Variants in PKP3 observed in about 807,000 individuals in gnomAD.
PKP3 encodes the protein plakophilin-3.
In PKP3, 66 loss-of-function variants were observed where a neutral mutation model predicts 76.5. The observed-to-expected ratio is 0.86, with a 90% CI of 0.71 to 1.06. PKP3 has a LOEUF of 1.06. PKP3 is among the 50% of genes least tolerant of loss of function. PKP3 has a pLI of 0.00. For synonymous variants in PKP3, 638 were observed against 516.5 expected, an observed-to-expected ratio of 1.24 and a Z score of -3.19; for missense variants, 1,338 against 1,141.0, an observed-to-expected ratio of 1.17 and a Z score of -2.49.
In PKP3 at chr11:400,659, GAGA is replaced by G; in HGVS notation, c.1692_1694del (p.Glu565del). On this transcript the variant is annotated inframe_deletion, in exon 8 of 13. Coordinates refer to ENST00000331563, the MANE Select transcript of PKP3 (RefSeq NM_007183.4). The stretch of plus-strand genomic sequence containing the variant: ...AGGGACCTGGCGGGGGCGCCGCCGG[GAGA>G]GGTCGTGGGCTGCTTCACGCCGCAG... 1.5e-6 allele frequency: 2 copies of G among 1,358,210 alleles called. 1 individual carries two copies. The highest frequency in any genetic ancestry group is 1.9e-6 in the Non-Finnish European group (2 of 1,061,266). The allele number at this position is 1,358,210 out of a possible 1,614,324, so 84.1% of individuals were successfully genotyped here.
Position 399,183 on chromosome 11 carries a change from C to T in PKP3, c.1260C>T (p.Arg420=). The T allele has an allele frequency of 6.3e-7, 1 of 1,593,666 alleles. No individual in the cohort carries two copies. Among genetic ancestry groups the T allele is most frequent in the East Asian group, 2.3e-5 (1 of 43,668 alleles). The change falls in exon 5 of 13, where the codon CGC becomes CGT. Residue 420 remains arginine (R), a synonymous_variant. Coordinates refer to ENST00000331563, the MANE Select transcript of PKP3 (RefSeq NM_007183.4). Reference sequence around the variant, plus strand: ...TGCGGGAGCAGGATGATGAGCTTCGCAAAAATGTCACAGGTGCTGCCTGTC... The same window carrying T: ...TGCGGGAGCAGGATGATGAGCTTCGTAAAAATGTCACAGGTGCTGCCTGTC... The part of the protein sequence containing the change: ...RTLREQDDEL[R]KNVTGILWNL...
intron 4 of PKP3, among the ~76,000 whole-genome samples, chr11:398,185 C>T (rs1399612091): frequency 3.6e-5 from 3 of 84,080 alleles, no homozygotes; most frequent in Non-Finnish European, 4.8e-5. Flanking sequence ...CCTCCCTACC[C>T]CCACATATAC....
At position 399,112 on chromosome 11, in the gene PKP3, C is replaced by T; in HGVS notation, c.1189C>T (p.Leu397=). ...NLIYDNADNK[L]ALVEENGIFE... ...CATCTACGACAACGCTGACAACAAG[C>T]TGGCCCTGGTGGAGGAGAACGGGAT... The change falls in exon 5 of 13, where the codon CTG becomes TTG. Residue 397 remains leucine, a synonymous_variant. Transcript: ENST00000331563. The T allele has an allele frequency of 6.2e-7, 1 of 1,612,094 alleles. No homozygotes were observed. Among genetic ancestry groups the T allele is most frequent in the South Asian group, 1.1e-5 (1 of 91,076 alleles).
rs780117288 is a variant in PKP3, at chr11:397,641, C to T, written c.1047C>T (p.Ser349=). 68 of 1,611,290 alleles carry T rather than the reference C, an allele frequency of 4.2e-5. No homozygotes were observed. The Admixed American group carries it at 4.8e-4, about 11-fold the overall frequency. Residue 349 remains serine (S), a synonymous_variant, in exon 4 of 13, where the codon AGC becomes AGT. Transcript: ENST00000331563. ...CCTACATCCAGCACAAGTGCTACAG[C>T]GATGCAGCCGCCAAGAAGCAGGTGA... The part of the protein sequence containing the change: ...GAAYIQHKCY[S]DAAAKKQARS...
At chr11:394,610 A>G in intron 1 of PKP3, 86 bp downstream of exon 1, 1 of 1,119,166 alleles carries the variant, frequency 8.9e-7, no homozygotes, top group Non-Finnish European at 1.2e-6. Flanking sequence ...CAGAGGCCGC[A>G]GTGAGGCCGG....
At position 397,227 on chromosome 11, in the gene PKP3, C is replaced by T. The variant is rs749658582; in HGVS notation, c.726C>T (p.Thr242=). 1.3e-6 allele frequency: 2 copies of T among 1,599,470 alleles called. No homozygotes were observed. The highest frequency in any genetic ancestry group is 1.7e-5 in the Admixed American group (1 of 59,830). The stretch of plus-strand genomic sequence containing the variant: ...CCACTGAGGTTTCCCCGAGCCGGAC[C>T]ATCCGTGCCCCTGCCGTGCGGACCC... ...PEATEVSPSR[T]IRAPAVRTLQ... is the part of the protein sequence containing the mutation. The change falls in exon 3 of 13, where the codon ACC becomes ACT. Residue 242 remains threonine, a synonymous_variant. Transcript: ENST00000331563.
intron 1 of PKP3, among the ~76,000 whole-genome samples, chr11:395,055 C>T (rs1428236880): frequency 6.6e-6 from 1 of 152,130 alleles, no homozygotes; most frequent in Non-Finnish European, 1.5e-5. Context: ...GCTGGAGTGA[C>T]CTAGATTTCT....
At position 403,682 on chromosome 11, in the gene PKP3, G is replaced by A. The variant is rs745979123; in HGVS notation, c.1988G>A (p.Arg663His). The A allele has an allele frequency of 3.3e-5, 53 of 1,610,320 alleles. No homozygotes were observed. The highest frequency in any genetic ancestry group is 6.7e-5 in the Admixed American group (4 of 59,994). ...QERILNPLLD[R>H]VRTADHHQLR... is the part of the protein sequence containing the mutation. ...CGTATTCTGAACCCCCTGCTAGACC[G>A]TGTCAGGACCGCCGACCACCACCAG... Residue 663 changes from arginine (R) to histidine (H), a missense_variant, in exon 10 of 13, where the codon CGT (arginine) becomes CAT (histidine). Arg to His is a conservative substitution (Grantham distance 29, BLOSUM62 0). Transcript: ENST00000331563.
rs531582905 is a variant in PKP3 at position 403,732 on chromosome 11, C to T, written c.2038C>T (p.Arg680Ter). Residue 680 changes from arginine (R) to a stop codon, truncating the protein, a stop_gained, in exon 10 of 13, where the codon CGA becomes TGA. Coordinates refer to ENST00000331563, the MANE Select transcript of PKP3 (RefSeq NM_007183.4). LOFTEE classifies it high-confidence loss of function. ...GCTGCGCTCACTGACTGGCCTCATC[C>T]GAAACCTGTCTCGGAACGCTAGGAA... The part of the protein sequence containing the change: ...HQLRSLTGLI[R>*]NLSRNARNKD... The T allele has an allele frequency of 1.5e-5, 24 of 1,609,424 alleles. No homozygotes were observed. Among genetic ancestry groups the T allele is most frequent in the Non-Finnish European group, 1.7e-5 (20 of 1,179,874 alleles).
At position 403,074 on chromosome 11, in the gene PKP3, G is replaced by A. The variant is rs924279604; in HGVS notation, c.1738-4G>A. 6.4e-6 allele frequency: 9 copies of A among 1,403,298 alleles called. No homozygotes were observed. The highest frequency in any genetic ancestry group is 2.3e-4 in the Middle Eastern group (1 of 4,388). The allele number at this position is 1,403,298 out of a possible 1,614,324, so 86.9% of individuals were successfully genotyped here. On this transcript the variant is annotated splice_polypyrimidine_tract_variant and splice_region_variant and intron_variant, in intron 8 of 12. Transcript: ENST00000331563. Reference sequence around the variant, plus strand: ...CCCCGCCGACTCCTCCCCGCCCTGCGCAGCTGCCCCTCGCCGCCGATGCGC... The same window carrying A: ...CCCCGCCGACTCCTCCCCGCCCTGCACAGCTGCCCCTCGCCGCCGATGCGC...
At chr11:392,917 C>T (rs1018182609), upstream of PKP3, among the ~76,000 whole-genome samples, 1 of 152,096 alleles carries the variant, frequency 6.6e-6, no homozygotes, top group Non-Finnish European at 1.5e-5. Flanking sequence ...AGACCCCTGC[C>T]CCAGCCCCAT....
At position 394,314 on chromosome 11, in the gene PKP3, C is replaced by G. The variant is rs767179992; in HGVS notation, c.22C>G (p.Leu8Val). Residue 8 changes from leucine to valine, a missense_variant, in exon 1 of 13, where the codon CTG becomes GTG. Transcript: ENST00000331563. Reference protein sequence around the residue: MQDGNFLLSALQPEAGVC... With the variant: MQDGNFLVSALQPEAGVC... Reference sequence around the variant, plus strand: ...CGCCATGCAGGACGGTAACTTCCTGCTGTCGGCCCTGCAGCCTGAGGCCGG... The same window carrying G: ...CGCCATGCAGGACGGTAACTTCCTGGTGTCGGCCCTGCAGCCTGAGGCCGG... 1 of 1,514,866 alleles carries G rather than the reference C, an allele frequency of 6.6e-7. No individual in the cohort carries two copies. The highest frequency in any genetic ancestry group is 1.2e-5 in the South Asian group (1 of 82,588). The allele number at this position is 1,514,866 out of a possible 1,614,324, so 93.8% of individuals were successfully genotyped here.
rs1486794119 is a variant in PKP3 at position 400,668 on chromosome 11, T to A, written c.1700T>A (p.Val567Glu). 1 of 1,328,388 alleles carries A rather than the reference T, an allele frequency of 7.5e-7. No homozygotes were observed. The highest frequency in any genetic ancestry group is 1.8e-5 in the South Asian group (1 of 55,660). 82.3% of individuals were successfully genotyped at this position (1,328,388 alleles called of 1,614,324 possible). A position where few individuals can be genotyped will look rare whatever the true frequency, so the allele number is the denominator to read the frequency against. ...GCGGGGGCGCCGCCGGGAGAGGTCG[T>A]GGGCTGCTTCACGCCGCAGAGCCGG... Reference protein sequence around the residue: ...DLAGAPPGEVVGCFTPQSRRL... With the variant: ...DLAGAPPGEVEGCFTPQSRRL... The change falls in exon 8 of 13, where the codon GTG (valine) becomes GAG (glutamate). Residue 567 changes from valine (V) to glutamate (E), a missense_variant. Coordinates refer to ENST00000331563, the MANE Select transcript of PKP3 (RefSeq NM_007183.4).
chr11:396,492 C>A, intron 1 of PKP3, 116 bp from the exon 2 acceptor site: 1 of 693,272 alleles, frequency 1.4e-6, no homozygotes, highest in Non-Finnish European at 2.4e-6. Flanking sequence ...GGCCTCCCTG[C>A]CCTGGATTGG....
At chr11:394,992 AGCCAG>A (rs1432283800) in intron 1 of PKP3, among the ~76,000 whole-genome samples, 1 of 152,258 alleles carries the variant, frequency 6.6e-6, no homozygotes, top group South Asian at 2.1e-4. Context: ...CCTGGAGGAA[AGCCAG>A]GCCTGTCTGG....
chr11:399,355 C>G (rs1209973355), intron 5 of PKP3, among the ~76,000 whole-genome samples, 159 bp downstream of exon 5: 1 of 46,124 alleles, frequency 2.2e-5, no homozygotes, highest in Non-Finnish European at 3.9e-5. Flanking sequence ...CCTCCTCCCC[C>G]CCTCTGCCTT....
chr11:397,771 A>T (rs1847074795), intron 4 of PKP3, 109 bp downstream of exon 4: 1 of 1,119,822 alleles, frequency 8.9e-7, no homozygotes, highest in African/African-American at 1.6e-5. Context: ...CCCCAAGCTG[A>T]CTGGGTAGAC....
chr11:399,695 C>A (rs1414873948), intron 5 of PKP3, among the ~76,000 whole-genome samples: 1 of 150,016 alleles, frequency 6.7e-6, no homozygotes, highest in Non-Finnish European at 1.5e-5. Flanking sequence ...TTTCCTGGAC[C>A]CCCGGCCACC....
upstream of PKP3, chr11:392,713 G>C (rs1846990608): frequency 7.8e-7 from 1 of 1,284,570 alleles, no homozygotes; most frequent in Non-Finnish European, 1.0e-6. Flanking sequence ...AGCCGGGTAG[G>C]TCTCCCACCC....
Sources: allele counts gnomAD v4.1 joint callset (sites outside exome capture counted in the v4.1 genomes callset), GRCh38; gene constraint gnomAD v4.1.1; transcripts MANE v1.5; gene names NCBI Gene and HGNC (gene_info 2026-07-23, HGNC 2026-07-21).